The following PSMD14 variants were observed in gnomAD, a reference collection of about 807,000 sequenced individuals.
PSMD14 encodes the protein proteasome 26S subunit, non-ATPase 14.
A neutral mutation model predicts 41.2 loss-of-function variants in PSMD14; 7 were observed. The ratio of observed to expected loss-of-function variants is 0.17; its 90% confidence interval spans 0.10 to 0.32. The LOEUF (loss-of-function observed/expected upper bound fraction) is 0.32, where lower values mean the gene tolerates loss of function less well. PSMD14 is among the 10% of genes least tolerant of loss of function. PSMD14 has a pLI of 1.00. For missense variants in PSMD14, 139 were observed against 375.6 expected (o/e 0.37, Z 5.21); for synonymous variants, 114 against 122.3 (o/e 0.93, Z 0.45).
At chr2:161,321,847 T>G (rs1273293032) in intron 3 of PSMD14, among the ~76,000 whole-genome samples, 3 of 152,200 alleles carry the variant, frequency 2.0e-5, no homozygotes, top group African/African-American at 7.2e-5. Flanking sequence ...TTAGGGCATG[T>G]CACCCTCCCT....
intron 5 of PSMD14, 110 bp downstream of exon 5, chr2:161,368,013 A>C: frequency 2.4e-6 from 3 of 1,249,760 alleles, no homozygotes; most frequent in Non-Finnish European, 3.2e-6. Context: ...CAGTAGGAAA[A>C]ATTAATCATA....
chr2:161,345,403 C>T (rs966444850), intron 3 of PSMD14, among the ~76,000 whole-genome samples: 9 of 151,482 alleles, frequency 5.9e-5, no homozygotes, highest in East Asian at 1.9e-4. Flanking sequence ...CCACTATGCC[C>T]GGCTAATTTT....
chr2:161,319,992 A>G (rs1689185752), intron 3 of PSMD14, among the ~76,000 whole-genome samples: 1 of 152,072 alleles, frequency 6.6e-6, no homozygotes, highest in African/African-American at 2.4e-5. Context: ...CTTCATTTTT[A>G]TAACACCTGT....
chr2:161,377,008 G>A (rs1470157947), intron 7 of PSMD14, among the ~76,000 whole-genome samples: 2 of 151,816 alleles, frequency 1.3e-5, no homozygotes, highest in African/African-American at 4.8e-5. Flanking sequence ...ACTGGAACGT[G>A]TGATTGACAA....
chr2:161,316,284 G>C (rs1689147726), intron 1 of PSMD14, among the ~76,000 whole-genome samples, 153 bp from the exon 2 acceptor site: 1 of 152,200 alleles, frequency 6.6e-6, no homozygotes, highest in Admixed American at 6.5e-5. Flanking sequence ...CTGTAAGGGA[G>C]ATCATTCTAT....
chr2:161,345,206 A>G (rs1574123983), intron 3 of PSMD14, among the ~76,000 whole-genome samples: 1 of 144,622 alleles, frequency 6.9e-6, no homozygotes, highest in Admixed American at 6.8e-5. Flanking sequence ...TATTTCTGAA[A>G]TTTCAATTCT....
chr2:161,383,094 A>G (rs1046806292), intron 7 of PSMD14: 5 of 151,244 alleles, frequency 3.3e-5, no homozygotes, highest in Non-Finnish European at 5.9e-5. Context: ...TTCTTCACCC[A>G]TTGCTCATTA....
intron 3 of PSMD14, among the ~76,000 whole-genome samples, chr2:161,356,968 AAG>A (rs1277215949): frequency 6.6e-6 from 1 of 152,000 alleles, no homozygotes; most frequent in Non-Finnish European, 1.5e-5. Flanking sequence ...AGTTCACACT[AAG>A]AGAAAGGTGG....
intron 3 of PSMD14, among the ~76,000 whole-genome samples, chr2:161,364,484 G>A (rs1683332558): frequency 6.6e-6 from 1 of 152,078 alleles, no homozygotes; most frequent in Admixed American, 6.5e-5. Flanking sequence ...TTAGCCAGGG[G>A]CCACACCCTC....
chr2:161,345,492 C>A (rs961696884), intron 3 of PSMD14, among the ~76,000 whole-genome samples: 1 of 152,044 alleles, frequency 6.6e-6, no homozygotes, highest in Non-Finnish European at 1.5e-5. Context: ...ATCTGCCGAC[C>A]TCAAGCAATC....
chr2:161,333,594 G>A (rs1253725525), intron 3 of PSMD14, among the ~76,000 whole-genome samples: 3 of 152,254 alleles, frequency 2.0e-5, no homozygotes, highest in Non-Finnish European at 2.9e-5. Context: ...AGAATGCAGT[G>A]TAAATGTTCA....
intron 8 of PSMD14, among the ~76,000 whole-genome samples, chr2:161,388,989 G>A (rs756205887): frequency 4.6e-5 from 7 of 152,100 alleles, no homozygotes; most frequent in Non-Finnish European, 8.8e-5. Context: ...AAGACTACTT[G>A]AGGATATCAT....
chr2:161,366,560 T>C (rs1247959834), intron 3 of PSMD14, among the ~76,000 whole-genome samples: 1 of 152,148 alleles, frequency 6.6e-6, no homozygotes, highest in African/African-American at 2.4e-5. Flanking sequence ...TAATTTGTAA[T>C]AGAGTTATTG....
At chr2:161,389,919 G>T (rs1398411323) in intron 8 of PSMD14, among the ~76,000 whole-genome samples, 3 of 6,732 alleles carry the variant, frequency 4.5e-4, no homozygotes, top group African/African-American at 1.4e-3. Context: ...TTTTAGAGAT[G>T]GGGTATTGCT....
chr2:161,324,541 G>A (rs1482789715), intron 3 of PSMD14, among the ~76,000 whole-genome samples: 2 of 152,004 alleles, frequency 1.3e-5, no homozygotes, highest in Non-Finnish European at 2.9e-5. Context: ...AAAGGAGTCT[G>A]AAGTTGGTTA....
chr2:161,359,003 G>A (rs1683250610), intron 3 of PSMD14, among the ~76,000 whole-genome samples: 1 of 152,074 alleles, frequency 6.6e-6, no homozygotes, highest in Non-Finnish European at 1.5e-5. Context: ...ATAGGGCCTC[G>A]TTGTCCAGGC....
intron 6 of PSMD14, among the ~76,000 whole-genome samples, 193 bp downstream of exon 6, chr2:161,370,370 C>A (rs1683416055): frequency 6.6e-6 from 1 of 152,028 alleles, no homozygotes; most frequent in Non-Finnish European, 1.5e-5. Context: ...GAAATTTGCC[C>A]ATCAGAGAAC....
intron 3 of PSMD14, chr2:161,340,908 G>GAGA (rs1472736416): frequency 1.2e-6 from 2 of 1,613,802 alleles, no homozygotes; most frequent in African/African-American, 2.7e-5. Flanking sequence ...GTATTTGAAG[G>GAGA]AGAAGCCTTC....
chr2:161,337,874 C>G (rs1682891239), intron 3 of PSMD14, among the ~76,000 whole-genome samples: 2 of 152,058 alleles, frequency 1.3e-5, no homozygotes, highest in Admixed American at 6.6e-5. Context: ...CATTTATTTT[C>G]CTATCTGTAT....
Sources: allele counts gnomAD v4.1 joint callset (sites outside exome capture counted in the v4.1 genomes callset), GRCh38; gene constraint gnomAD v4.1.1; transcripts MANE v1.5; gene names NCBI Gene and HGNC (gene_info 2026-07-23, HGNC 2026-07-21).